Variants in THADA observed in about 807,000 individuals in gnomAD.
THADA encodes the protein tRNA (32-2'-O)-methyltransferase regulator THADA.
A neutral mutation model predicts 219.8 loss-of-function variants in THADA; 213 were observed. That is an observed-to-expected ratio of 0.97 (90% confidence interval 0.87 to 1.09). The LOEUF is 1.09. Ranked by LOEUF, THADA falls within the 50% of genes least tolerant of loss-of-function variation. The pLI is 0.00. For missense variants in THADA, 2,956 were observed against 2,311.3 expected (o/e 1.28, Z -5.72); for synonymous variants, 1,018 against 828.9 (o/e 1.23, Z -3.92).
At chr2:43,359,508 C>T (rs747793570) in intron 29 of THADA, among the ~76,000 whole-genome samples, 5 of 152,134 alleles carry the variant, frequency 3.3e-5, no homozygotes, top group Non-Finnish European at 7.3e-5. Context: ...GGTGAAACCC[C>T]GTCTCTACTA....
intron 22 of THADA, among the ~76,000 whole-genome samples, chr2:43,517,587 G>A (rs1444033743): frequency 3.9e-5 from 6 of 152,052 alleles, no homozygotes; most frequent in African/African-American, 1.4e-4. Flanking sequence ...TACTTTCTGG[G>A]AACAGAAACT....
chr2:43,484,128 T>C (rs1009003776), intron 26 of THADA: 1 of 153,280 alleles, frequency 6.5e-6, no homozygotes, highest in Non-Finnish European at 1.5e-5. Flanking sequence ...TGGTATTGCC[T>C]GAACATGCTC....
rs74431776 is a variant in THADA at position 43,361,818 on chromosome 2, T to G, written c.4228-17581A>C. On this transcript the variant is annotated intron_variant, in intron 29 of 37. Transcript: ENST00000405975. ...TGCCCTTTTTATCATAAGTTAAATT[T>G]TCTGTATTTGTGATGTACATCTAAG... Among the ~76,000 whole-genome samples the G allele has an allele frequency of 1.7e-3, 263 of 152,362 alleles. 2 individuals carry two copies. The highest frequency in any genetic ancestry group is 3.4e-3 in the Non-Finnish European group (233 of 68,032).
At chr2:43,244,802 C>A (rs566456488) in intron 36 of THADA, among the ~76,000 whole-genome samples, 1 of 152,232 alleles carries the variant, frequency 6.6e-6, no homozygotes, top group African/African-American at 2.4e-5. Context: ...GCAGAGCCTC[C>A]CAGAGGGTTC....
At chr2:43,255,411 G>A (rs1558474168) in intron 36 of THADA, among the ~76,000 whole-genome samples, 1 of 152,172 alleles carries the variant, frequency 6.6e-6, no homozygotes, top group Non-Finnish European at 1.5e-5. Context: ...GGAATTCTTG[G>A]GTTACAAGAG....
At chr2:43,543,814 T>C (rs1695645080) in intron 20 of THADA, among the ~76,000 whole-genome samples, 1 of 152,054 alleles carries the variant, frequency 6.6e-6, no homozygotes, top group African/African-American at 2.4e-5. Flanking sequence ...TCTCCCATTT[T>C]GTAGGTTGCC....
intron 31 of THADA, among the ~76,000 whole-genome samples, chr2:43,297,356 T>G (rs1174866172): frequency 3.3e-5 from 3 of 90,424 alleles, no homozygotes; most frequent in Non-Finnish European, 6.0e-5. Context: ...CTGCCCCGTC[T>G]GAGAAGTGAG....
intron 16 of THADA, among the ~76,000 whole-genome samples, chr2:43,558,153 A>C (rs1697610616): frequency 6.6e-6 from 1 of 152,240 alleles, no homozygotes; most frequent in Admixed American, 6.5e-5. Flanking sequence ...ATATGACAAA[A>C]GACCTAGGAT....
chr2:43,456,202 T>G (rs1297278660), intron 26 of THADA, among the ~76,000 whole-genome samples: 1 of 152,108 alleles, frequency 6.6e-6, no homozygotes, highest in Non-Finnish European at 1.5e-5. Flanking sequence ...AATTATAAAA[T>G]CACATTAAAA....
intron 29 of THADA, among the ~76,000 whole-genome samples, chr2:43,383,574 G>T (rs188901607): frequency 1.3e-5 from 2 of 152,254 alleles, no homozygotes; most frequent in Admixed American, 6.5e-5. Flanking sequence ...CCTGAAAAAC[G>T]TTCATCTGAA....
chr2:43,544,176 T>A (rs1050201078), intron 20 of THADA, among the ~76,000 whole-genome samples: 11 of 152,180 alleles, frequency 7.2e-5, no homozygotes, highest in Non-Finnish European at 1.5e-4. Context: ...AAAGATCAGG[T>A]AGTTGTAGAT....
Position 43,239,344 on chromosome 2 carries a change from G to A in THADA, c.5297-6462C>T, listed in dbSNP as rs145928304. ...CCTGGTGCTTCTTCTCTGCCTCCACGATGAGCGCCTCCACCCCCATCCCCC... is the reference window on the plus strand; with the variant it reads ...CCTGGTGCTTCTTCTCTGCCTCCACAATGAGCGCCTCCACCCCCATCCCCC... On this transcript the variant is annotated intron_variant, in intron 36 of 37. Transcript: ENST00000405975. 2.6e-3 allele frequency among the ~76,000 whole-genome samples: 391 copies of A among 152,310 alleles called. 3 individuals are homozygous for A. The highest frequency in any genetic ancestry group is 8.9e-3 in the African/African-American group (371 of 41,572).
chr2:43,314,371 C>T (rs1288944123), intron 31 of THADA, among the ~76,000 whole-genome samples: 1 of 152,074 alleles, frequency 6.6e-6, no homozygotes. Flanking sequence ...GCTCATAAAA[C>T]CCAACAAGAG....
intron 34 of THADA, among the ~76,000 whole-genome samples, chr2:43,290,901 A>G (rs1417557907): frequency 1.3e-5 from 2 of 152,080 alleles, no homozygotes; most frequent in African/African-American, 2.4e-5. Context: ...ACCAAAGGAC[A>G]TGTAAAACAG....
intron 20 of THADA, among the ~76,000 whole-genome samples, chr2:43,547,588 C>A (rs544404654): frequency 6.6e-6 from 1 of 152,200 alleles, no homozygotes; most frequent in African/African-American, 2.4e-5. Context: ...TTTCTCTAAA[C>A]CTCCCTTCTC....
At chr2:43,492,332 A>C (rs896959182) in intron 25 of THADA, 3 of 151,852 alleles carry the variant, frequency 2.0e-5, no homozygotes, top group African/African-American at 7.3e-5. Flanking sequence ...AAAAAAATAC[A>C]GAACAGTTTG....
chr2:43,561,012 G>C (rs865928686), intron 15 of THADA, among the ~76,000 whole-genome samples: 135 of 115,204 alleles, frequency 1.2e-3, no homozygotes, highest in South Asian at 1.9e-3. Flanking sequence ...GTGAGACTTG[G>C]TCTCAAAAAA....
At chr2:43,458,370 G>A (rs1443138280) in intron 26 of THADA, among the ~76,000 whole-genome samples, 3 of 152,138 alleles carry the variant, frequency 2.0e-5, no homozygotes, top group African/African-American at 7.2e-5. Context: ...CCTGAATGAT[G>A]ATTTCATTGT....
At chr2:43,439,898 C>A (rs1322464084) in intron 26 of THADA, among the ~76,000 whole-genome samples, 1 of 152,010 alleles carries the variant, frequency 6.6e-6, no homozygotes. Flanking sequence ...ATTCTTTTAC[C>A]TATTTCATAA....
Sources: allele counts gnomAD v4.1 joint callset (sites outside exome capture counted in the v4.1 genomes callset), GRCh38; gene constraint gnomAD v4.1.1; transcripts MANE v1.5; gene names NCBI Gene and HGNC (gene_info 2026-07-23, HGNC 2026-07-21).